Variants in PDE8B observed in about 807,000 individuals in gnomAD.
The protein encoded by PDE8B is phosphodiesterase 8B.
PDE8B carries 26 observed loss-of-function variants against 101.3 expected under a neutral mutation model. The ratio of observed to expected loss-of-function variants is 0.26; its 90% CI spans 0.19 to 0.36. The LOEUF is 0.36. Among genes scored for constraint, PDE8B ranks in the 10% least tolerant of loss-of-function variants. The probability of loss-of-function intolerance (pLI) is 1.00; values close to 1 mark genes in which losing one functional copy is unlikely to be tolerated. For missense variants in PDE8B, 810 were observed against 1,163.1 expected, an observed-to-expected ratio of 0.70 and a Z score of 4.42; for synonymous variants, 424 against 429.3, an observed-to-expected ratio of 0.99 and a Z score of 0.15.
At chr5:77,148,256 T>C in the PDE8B span, 1 of 152,230 alleles carries the variant, frequency 6.6e-6, no homozygotes, top group Non-Finnish European at 1.5e-5. Context: ...TCTGCTCATA[T>C]TACACTGTGC....
intron 10 of PDE8B, among the ~76,000 whole-genome samples, chr5:77,354,906 C>T (rs955410900): frequency 4.6e-5 from 7 of 152,192 alleles, no homozygotes; most frequent in African/African-American, 1.7e-4. Context: ...CCCTGAGGTA[C>T]CCTCTTTGCT....
intron 10 of PDE8B, among the ~76,000 whole-genome samples, chr5:77,398,318 CTTTTTTT>C (rs70988672): frequency 1.3e-4 from 15 of 115,992 alleles, no homozygotes; most frequent in Admixed American, 2.8e-4. Flanking sequence ...AGCTGTTTTA[CTTTTTTT>C]TTTTTTTTTT....
At chr5:77,290,195 G>A (rs939728342) in intron 1 of PDE8B, 4 of 1,527,320 alleles carry the variant, frequency 2.6e-6, no homozygotes, top group Non-Finnish European at 3.6e-6. Flanking sequence ...TGTGGCGCCT[G>A]CCTCGCGCAC....
At chr5:77,278,381 C>T (rs1764249103) in intron 1 of PDE8B, among the ~76,000 whole-genome samples, 1 of 152,200 alleles carries the variant, frequency 6.6e-6, no homozygotes, top group Admixed American at 6.5e-5. Flanking sequence ...ACTGTGTTCT[C>T]ATGAGATGGA....
At chr5:77,426,199 G>T (rs565362629) in intron 21 of PDE8B, 4 of 594,678 alleles carry the variant, frequency 6.7e-6, no homozygotes, top group South Asian at 4.0e-5. Flanking sequence ...ACTCTAGAAA[G>T]AATGCAAAAT....
chr5:77,403,695 G>T (rs1401389326), intron 11 of PDE8B, among the ~76,000 whole-genome samples: 2 of 152,008 alleles, frequency 1.3e-5, no homozygotes, highest in Non-Finnish European at 2.9e-5. Flanking sequence ...AATATTTTAA[G>T]CTAGATTATT....
intron 10 of PDE8B, among the ~76,000 whole-genome samples, chr5:77,372,793 C>A (rs1386664358): frequency 6.6e-6 from 1 of 152,128 alleles, no homozygotes; most frequent in Non-Finnish European, 1.5e-5. Context: ...GCCTGTAATC[C>A]CAGCTCTTTG....
At chr5:77,218,390 G>T (rs1750281299) in intron 1 of PDE8B, among the ~76,000 whole-genome samples, 2 of 152,190 alleles carry the variant, frequency 1.3e-5, no homozygotes, top group East Asian at 3.8e-4. Flanking sequence ...TGCAAGAGGT[G>T]GGATAAATTT....
chr5:77,096,459 G>A, the PDE8B span, among the ~76,000 whole-genome samples: 6 of 152,140 alleles, frequency 3.9e-5, no homozygotes, highest in African/African-American at 1.4e-4. Flanking sequence ...AGTTCTGGAG[G>A]CTGGTAAGTT....
At chr5:77,223,402 T>TC (rs1465793355) in intron 1 of PDE8B, among the ~76,000 whole-genome samples, 1 of 116,756 alleles carries the variant, frequency 8.6e-6, no homozygotes, top group East Asian at 2.7e-4. Context: ...ACCCATTCTT[T>TC]CTTTTTTTTT....
chr5:77,183,303 A>G, the PDE8B span, among the ~76,000 whole-genome samples: 3 of 152,182 alleles, frequency 2.0e-5, no homozygotes, highest in African/African-American at 7.2e-5. Context: ...TATTTTCAGT[A>G]GAGACAGGGT....
intron 6 of PDE8B, among the ~76,000 whole-genome samples, chr5:77,343,704 T>C (rs1473041966): frequency 6.6e-6 from 1 of 152,186 alleles, no homozygotes; most frequent in Non-Finnish European, 1.5e-5. Flanking sequence ...TCTTCAATAG[T>C]AAATTAGCCT....
chr5:77,231,589 G>A (rs927429282), intron 1 of PDE8B, among the ~76,000 whole-genome samples: 2 of 152,174 alleles, frequency 1.3e-5, no homozygotes, highest in Non-Finnish European at 2.9e-5. Context: ...GTTTTGCTAC[G>A]TGTTAATTCA....
chr5:77,388,687 A>G (rs756097988), intron 10 of PDE8B, among the ~76,000 whole-genome samples: 45 of 152,222 alleles, frequency 3.0e-4, no homozygotes, highest in Non-Finnish European at 5.4e-4. Flanking sequence ...CCCTTCCCCA[A>G]CATGCTCTGT....
At chr5:77,117,161 T>G in the PDE8B span, among the ~76,000 whole-genome samples, 1 of 151,970 alleles carries the variant, frequency 6.6e-6, no homozygotes, top group African/African-American at 2.4e-5. Flanking sequence ...AAGGGGCGGG[T>G]AGAGGTTGGA....
At chr5:77,242,158 G>A (rs190264065) in intron 1 of PDE8B, among the ~76,000 whole-genome samples, 1 of 152,306 alleles carries the variant, frequency 6.6e-6, no homozygotes, top group East Asian at 1.9e-4. Context: ...AATAGTAACA[G>A]GTAGATTGGG....
intron 19 of PDE8B, among the ~76,000 whole-genome samples, chr5:77,420,916 G>A (rs187987177): frequency 6.6e-6 from 1 of 152,212 alleles, no homozygotes; most frequent in South Asian, 2.1e-4. Context: ...CCCATTGATA[G>A]TCTAATAAAT....
chr5:77,284,037 C>T (rs149734734), intron 1 of PDE8B, among the ~76,000 whole-genome samples: 7 of 152,104 alleles, frequency 4.6e-5, no homozygotes, highest in Admixed American at 2.0e-4. Context: ...TAGGTGTATA[C>T]TGGTATTTCA....
intron 2 of PDE8B, among the ~76,000 whole-genome samples, chr5:77,319,739 A>G (rs1195530034): frequency 6.6e-6 from 1 of 152,210 alleles, no homozygotes; most frequent in Admixed American, 6.5e-5. Context: ...AAAACTTCAC[A>G]TTAATGAAAG....
Sources: allele counts gnomAD v4.1 joint callset (sites outside exome capture counted in the v4.1 genomes callset), GRCh38; gene constraint gnomAD v4.1.1; transcripts MANE v1.5; gene names NCBI Gene and HGNC (gene_info 2026-07-23, HGNC 2026-07-21).